The following BRWD1 variants were observed in gnomAD, a reference collection of about 807,000 sequenced individuals.
The protein encoded by BRWD1 is bromodomain and WD repeat domain containing 1.
In BRWD1, 82 loss-of-function variants were observed where a neutral mutation model predicts 251.2. The ratio of observed to expected loss-of-function variants is 0.33; its 90% CI spans 0.27 to 0.39. The LOEUF is 0.39. Among genes scored for constraint, BRWD1 ranks in the 10% least tolerant of loss-of-function variants. The pLI, the probability that BRWD1 is intolerant of heterozygous loss-of-function variation, is 1.00. For synonymous variants in BRWD1, 918 were observed against 902.8 expected (o/e 1.02, Z -0.30); for missense variants, 2,233 against 2,711.6 (o/e 0.82, Z 3.92).
At chr21:39,252,691 G>A (rs1402521405) in intron 19 of BRWD1, among the ~76,000 whole-genome samples, 2 of 152,090 alleles carry the variant, frequency 1.3e-5, no homozygotes, top group Non-Finnish European at 2.9e-5. Context: ...GCTAGCTGCC[G>A]TTCTCCTTTT....
At chr21:39,303,767 G>A (rs2036196389) in intron 4 of BRWD1, among the ~76,000 whole-genome samples, 1 of 151,586 alleles carries the variant, frequency 6.6e-6, no homozygotes, top group Admixed American at 6.6e-5. Context: ...AGGCTGCAGT[G>A]AGCTGTGATC....
At chr21:39,236,463 CCCCAGAGCAGG>C in intron 23 of BRWD1, 121 bp downstream of exon 23, 1 of 818,928 alleles carries the variant, frequency 1.2e-6, no homozygotes, top group Non-Finnish European at 1.9e-6. Context: ...CCCAGACCAG[CCCCAGAGCAGG>C]GCCCAAGACA....
intron 31 of BRWD1, chr21:39,216,494 T>C (rs1797907595): frequency 6.4e-6 from 1 of 155,548 alleles, no homozygotes; most frequent in African/African-American, 2.4e-5. Context: ...CTCAGCCTCC[T>C]ACTCATGTCG....
Position 39,199,564 on chromosome 21 carries a change from G to C in BRWD1, c.4852C>G (p.Leu1618Val), listed in dbSNP as rs2032002638. The C allele has an allele frequency of 3.1e-6, 5 of 1,614,102 alleles. No homozygotes were observed. The East Asian group carries it at 1.1e-4, about 36-fold the overall frequency. The change falls in exon 40 of 41, where the codon CTA becomes GTA. Residue 1618 changes from leucine to valine, a missense_variant. Transcript: ENST00000342449. ...DNNSLETGEI[L>V]KARAGNNRKV... ...CGGTTATTTCCAGCTCTGGCTTTTA[G>C]AATTTCACCAGTCTCCAATGAATTG...
intron 17 of BRWD1, among the ~76,000 whole-genome samples, chr21:39,263,940 C>T (rs1447790746): frequency 2.4e-4 from 37 of 152,060 alleles, no homozygotes; most frequent in Admixed American, 2.3e-3. Context: ...AATGCATAAC[C>T]GGAACCTAAT....
chr21:39,282,959 C>CAAAA (rs71269097), intron 8 of BRWD1, among the ~76,000 whole-genome samples: 1 of 88,904 alleles, frequency 1.1e-5, no homozygotes, highest in Non-Finnish European at 2.2e-5. Flanking sequence ...AACTCCGTCA[C>CAAAA]AAAAAAAAAA....
chr21:39,265,116 C>A, intron 15 of BRWD1, 97 bp from the exon 16 acceptor site: 2 of 1,209,200 alleles, frequency 1.7e-6, no homozygotes, highest in Admixed American at 2.9e-5. Flanking sequence ...CAATATATCC[C>A]TTCTGAAAAA....
Position 39,216,058 on chromosome 21 carries a change from T to C in BRWD1, c.3660-696A>G, listed in dbSNP as rs370634841. On this transcript the variant is annotated intron_variant, in intron 31 of 40. Coordinates refer to ENST00000342449, the MANE Select transcript of BRWD1 (RefSeq NM_033656.4). ...TTCAGTTTCACTGTAAACAATCAAGTGGTTTCTGATGGGAATGCACATTCC... is the reference window on the plus strand; with the variant it reads ...TTCAGTTTCACTGTAAACAATCAAGCGGTTTCTGATGGGAATGCACATTCC... 2.6e-5 allele frequency among the ~76,000 whole-genome samples: 4 copies of C among 152,030 alleles called. No homozygotes were observed. In the East Asian group the frequency reaches 7.7e-4, roughly 29 times the overall value.
chr21:39,316,395 C>T (rs561334894), upstream of BRWD1, among the ~76,000 whole-genome samples: 1 of 152,280 alleles, frequency 6.6e-6, no homozygotes, highest in African/African-American at 2.4e-5. Flanking sequence ...AGTTACAGTG[C>T]ATAGATGACT....
intron 1 of BRWD1, 50 bp downstream of exon 1, chr21:39,313,393 C>CCG: frequency 6.8e-7 from 1 of 1,469,334 alleles, no homozygotes. Flanking sequence ...CCGGGGAAGC[C>CCG]GAAGCAGCCG....
At chr21:39,231,722 G>C (rs1331638242) in intron 25 of BRWD1, among the ~76,000 whole-genome samples, 2 of 152,142 alleles carry the variant, frequency 1.3e-5, no homozygotes, top group African/African-American at 2.4e-5. Context: ...CTAAAATGTG[G>C]AATTCTTTCT....
chr21:39,298,792 T>A (rs2036027539), intron 4 of BRWD1, among the ~76,000 whole-genome samples: 1 of 151,300 alleles, frequency 6.6e-6, no homozygotes, highest in Admixed American at 6.6e-5. Context: ...TTCAGCAACA[T>A]TTTTTTTTGT....
At chr21:39,310,916 A>G (rs2036459901) in intron 4 of BRWD1, among the ~76,000 whole-genome samples, 1 of 152,194 alleles carries the variant, frequency 6.6e-6, no homozygotes, top group African/African-American at 2.4e-5. Context: ...AACGATACAT[A>G]TACCATTAAC....
Position 39,198,806 on chromosome 21 carries a change from A to G in BRWD1, c.5610T>C (p.Asp1870=). The change falls in exon 40 of 41, where the codon GAT becomes GAC. Residue 1870 remains aspartate, a synonymous_variant. Coordinates refer to ENST00000342449, the MANE Select transcript of BRWD1 (RefSeq NM_033656.4). ...GTTTTTCTATTTTGTCATCATCTGA[A>G]TCTAAATCAGTTTCACATCCATGAT... ...SSDHGCETDL[D]SDDDKIEKPN... 1 of 1,603,194 alleles carries G rather than the reference A, an allele frequency of 6.2e-7. No individual in the cohort carries two copies. Among genetic ancestry groups the G allele is most frequent in the Non-Finnish European group, 8.5e-7 (1 of 1,176,768 alleles).
chr21:39,297,591 A>G (rs769471193), intron 5 of BRWD1: 6 of 263,090 alleles, frequency 2.3e-5, no homozygotes, highest in Non-Finnish European at 3.5e-5. Flanking sequence ...CAGTGTCCTG[A>G]TTAGTGCCAC....
chr21:39,252,814 TC>T (rs76980220), intron 19 of BRWD1, among the ~76,000 whole-genome samples: 78,572 of 152,058 alleles, frequency 0.52, 20,787 homozygotes, highest in African/African-American at 0.62. Flanking sequence ...AACATTCTGG[TC>T]AATGAGTTAT....
chr21:39,236,550 G>A (rs1486628555), intron 23 of BRWD1, 45 bp downstream of exon 23: 2 of 1,424,152 alleles, frequency 1.4e-6, no homozygotes, highest in Non-Finnish European at 9.6e-7. Flanking sequence ...GGGTAAAGCT[G>A]GGGTATCATG....
chr21:39,269,895 T>C lies in BRWD1; in HGVS notation c.1530+4A>G. 6.6e-7 allele frequency: 1 copy of C among 1,509,534 alleles called. No homozygotes were observed. Among genetic ancestry groups the C allele is most frequent in the Non-Finnish European group, 8.9e-7 (1 of 1,124,344 alleles). 93.5% of individuals were successfully genotyped at this position (1,509,534 alleles called of 1,614,324 possible). A position where few individuals can be genotyped will look rare whatever the true frequency, so the allele number is the denominator to read the frequency against. On this transcript the variant is annotated splice_donor_region_variant and intron_variant, in intron 15 of 40. Coordinates refer to ENST00000342449, the MANE Select transcript of BRWD1 (RefSeq NM_033656.4). ...TGTATCAAGGTACATCTCACTTCAC[T>C]TACCATATTAAAATAATGTTTCATC... is the stretch of plus-strand genomic sequence containing the variant.
chr21:39,282,092 G>A (rs907283786), intron 8 of BRWD1, among the ~76,000 whole-genome samples: 1 of 151,506 alleles, frequency 6.6e-6, no homozygotes, highest in East Asian at 1.9e-4. Flanking sequence ...ATACACATAC[G>A]TATATAAACA....
Sources: allele counts gnomAD v4.1 joint callset (sites outside exome capture counted in the v4.1 genomes callset), GRCh38; gene constraint gnomAD v4.1.1; transcripts MANE v1.5; gene names NCBI Gene and HGNC (gene_info 2026-07-23, HGNC 2026-07-21).